Variants in ZNF649 observed in about 807,000 individuals in gnomAD.
The protein encoded by ZNF649 is zinc finger protein 649.
Under a neutral mutation model 14.1 loss-of-function variants are expected in ZNF649, and 7 were observed. The ratio of observed to expected loss-of-function variants is 0.49; its 90% CI spans 0.28 to 0.93. ZNF649 has a LOEUF of 0.93. ZNF649 is among the 40% of genes least tolerant of loss of function. The pLI, the probability that ZNF649 is intolerant of heterozygous loss-of-function variation, is 0.10. For synonymous variants in ZNF649, 227 were observed against 212.3 expected (o/e 1.07, Z -0.60); for missense variants, 544 against 608.1 (o/e 0.89, Z 1.11).
chr19:51,891,495 G>A lies in ZNF649; in HGVS notation c.641C>T (p.Ala214Val), dbSNP rs751597213. ...KPHVCSLCGK[A>V]FYKKYRLTEH... ...AGTGAGCCTGTACTTCTTGTAGAAGGCTTTCCCACACAAGCTACACACGTG... is the reference window on the plus strand; with the variant it reads ...AGTGAGCCTGTACTTCTTGTAGAAGACTTTCCCACACAAGCTACACACGTG... Residue 214 changes from alanine to valine, a missense_variant, in exon 5 of 5, where the codon GCC becomes GTC. By Grantham distance (64) the Ala-to-Val change is moderately conservative (BLOSUM62 0). Coordinates refer to ENST00000354957, the MANE Select transcript of ZNF649 (RefSeq NM_023074.4). The surrounding 1 kb of genome is among the most constrained non-coding windows in gnomAD (Gnocchi z 4.2). 7 of 1,614,196 alleles carry A rather than the reference G, an allele frequency of 4.3e-6. No individual in the cohort carries two copies. Among genetic ancestry groups the A allele is most frequent in the South Asian group, 1.1e-5 (1 of 91,086 alleles).
At chr19:51,894,899 A>C (rs1420830946) in intron 4 of ZNF649, among the ~76,000 whole-genome samples, 1 of 152,098 alleles carries the variant, frequency 6.6e-6, no homozygotes, top group Non-Finnish European at 1.5e-5. Context: ...AACCAGACTC[A>C]CAGAGCAAGA....
intron 1 of ZNF649, among the ~76,000 whole-genome samples, chr19:51,901,180 G>C (rs531306595): frequency 6.6e-6 from 1 of 152,118 alleles, no homozygotes; most frequent in Non-Finnish European, 1.5e-5. Context: ...GGGGCTGATC[G>C]TGAAGGTGCT....
At chr19:51,899,214 CATA>C (rs1467093916) in intron 2 of ZNF649, among the ~76,000 whole-genome samples, 1 of 152,154 alleles carries the variant, frequency 6.6e-6, no homozygotes, top group Non-Finnish European at 1.5e-5. Context: ...CGTGTAAAAC[CATA>C]ATGAGTCATT....
In ZNF649 at chr19:51,894,606, A is replaced by C. The variant is rs139719833; in HGVS notation, c.238+1866T>G. The stretch of plus-strand genomic sequence containing the variant: ...CCACTGTAGGTTACATTTCTTCTAA[A>C]GTCCTACAATTCTTTCTGTATTTAC... On this transcript the variant is annotated intron_variant, in intron 4 of 4. Coordinates refer to ENST00000354957, the MANE Select transcript of ZNF649 (RefSeq NM_023074.4). Among the ~76,000 whole-genome samples, 433 of 152,326 alleles carry C rather than the reference A, an allele frequency of 2.8e-3. 4 individuals carry two copies. Among genetic ancestry groups the C allele is most frequent in the African/African-American group, 0.01 (420 of 41,568 alleles).
At chr19:51,898,442 G>A (rs767312437) in intron 2 of ZNF649, among the ~76,000 whole-genome samples, 46 of 152,116 alleles carry the variant, frequency 3.0e-4, no homozygotes, top group Non-Finnish European at 5.4e-4. Context: ...TATTATATAG[G>A]ATACAAATGA....
At position 51,891,571 on chromosome 19, in the gene ZNF649, T is replaced by G. The variant is rs767542993; in HGVS notation, c.565A>C (p.Lys189Gln). 2 of 1,614,266 alleles carry G rather than the reference T, an allele frequency of 1.2e-6. No homozygotes were observed. The highest frequency in any genetic ancestry group is 1.7e-6 in the Non-Finnish European group (2 of 1,180,046). ...TTATGCTCAGTGAGCTGAGACTTCT[T>G]GAGGAAAGCTTTCCCACAGTCAGTG... is the stretch of plus-strand genomic sequence containing the variant. ...ECTDCGKAFL[K>Q]KSQLTEHKRI... Residue 189 changes from lysine to glutamine, a missense_variant, in exon 5 of 5, where the codon AAG becomes CAG. Physicochemically the swap from Lys to Gln is moderately conservative, Grantham distance 53. Transcript: ENST00000354957. The surrounding 1 kb of genome is among the most constrained non-coding windows in gnomAD (Gnocchi z 4.2).
chr19:51,894,219 G>A (rs752981316), intron 4 of ZNF649, among the ~76,000 whole-genome samples: 2 of 151,298 alleles, frequency 1.3e-5, no homozygotes, highest in African/African-American at 2.4e-5. Flanking sequence ...TTCAACCTCC[G>A]CCTCCCAGGT....
chr19:51,897,379 C>A (rs2085069246), intron 2 of ZNF649, among the ~76,000 whole-genome samples: 1 of 152,150 alleles, frequency 6.6e-6, no homozygotes, highest in African/African-American at 2.4e-5. Flanking sequence ...ATCCATTAAT[C>A]CAACAAATCA....
chr19:51,896,613 C>A, intron 3 of ZNF649, 46 bp from the exon 4 acceptor site: 2 of 1,593,250 alleles, frequency 1.3e-6, no homozygotes, highest in South Asian at 1.1e-5. Flanking sequence ...TGAATTGCAC[C>A]ACGTGGCTCT....
At chr19:51,904,794 C>G (rs1415801136) in intron 1 of ZNF649, 120 bp downstream of exon 1, 1 of 152,578 alleles carries the variant, frequency 6.6e-6, no homozygotes, top group African/African-American at 2.4e-5. Context: ...TCTCCCACGC[C>G]GGACCGCAAA....
At position 51,890,901 on chromosome 19, in the gene ZNF649, A is replaced by C. The variant is rs780388176; in HGVS notation, c.1235T>G (p.Leu412Arg). ...YKCSDCGKAF[L>R]TKTMLIVHHR... ...ATGTACAATGAGCATTGTCTTTGTAAGGAAGGCTTTCCCACAGTCACTGCA... is the reference window on the plus strand; with the variant it reads ...ATGTACAATGAGCATTGTCTTTGTACGGAAGGCTTTCCCACAGTCACTGCA... The change falls in exon 5 of 5, where the codon CTT becomes CGT. Residue 412 changes from leucine to arginine, a missense_variant. Coordinates refer to ENST00000354957, the MANE Select transcript of ZNF649 (RefSeq NM_023074.4). 1 of 1,614,232 alleles carries C rather than the reference A, an allele frequency of 6.2e-7. No individual in the cohort carries two copies. Among genetic ancestry groups the C allele is most frequent in the South Asian group, 1.1e-5 (1 of 91,082 alleles).
At chr19:51,895,568 T>G (rs982992326) in intron 4 of ZNF649, among the ~76,000 whole-genome samples, 25 of 151,832 alleles carry the variant, frequency 1.6e-4, no homozygotes, top group Admixed American at 4.6e-4. Context: ...GGTCTCAAAC[T>G]CCTGACTTTG....
intron 1 of ZNF649, chr19:51,904,338 T>A (rs185885285): frequency 6.6e-6 from 1 of 152,132 alleles, no homozygotes; most frequent in Admixed American, 6.5e-5. Flanking sequence ...TCTGCATGAA[T>A]TGCTCTTTCT....
rs534452462 is a variant in ZNF649 at position 51,898,468 on chromosome 19, G to A, written c.16-1490C>T. Reference sequence around the variant, plus strand: ...ATACAAATGACAGCCAGGTAAAGAGGTACAGAAGTCAAGGTCCAAAGGGTG... The same window carrying A: ...ATACAAATGACAGCCAGGTAAAGAGATACAGAAGTCAAGGTCCAAAGGGTG... On this transcript the variant is annotated intron_variant, in intron 2 of 4. Coordinates refer to ENST00000354957, the MANE Select transcript of ZNF649 (RefSeq NM_023074.4). Among the ~76,000 whole-genome samples, 16 of 152,234 alleles carry A rather than the reference G, an allele frequency of 1.1e-4. No homozygotes were observed. The South Asian group carries it at 3.1e-3, about 30-fold the overall frequency.
In ZNF649 at chr19:51,890,465, G is replaced by A; in HGVS notation, c.*153C>T. ...TAAATGAAAAACAATATTGTGGGAGGGGTAGTGAGGTTTATAAGATATAAA... is the reference window on the plus strand; with the variant it reads ...TAAATGAAAAACAATATTGTGGGAGAGGTAGTGAGGTTTATAAGATATAAA... On this transcript the variant is annotated 3_prime_UTR_variant, in exon 5 of 5. Transcript: ENST00000354957. 1 of 571,590 alleles carries A rather than the reference G, an allele frequency of 1.7e-6. No individual in the cohort carries two copies. The highest frequency in any genetic ancestry group is 3.0e-6 in the Non-Finnish European group (1 of 328,228). The allele number at this position is 571,590 out of a possible 1,614,324, so 35.4% of individuals were successfully genotyped here.
chr19:51,898,609 G>A (rs1418385829), intron 2 of ZNF649, among the ~76,000 whole-genome samples: 1 of 151,904 alleles, frequency 6.6e-6, no homozygotes, highest in African/African-American at 2.4e-5. Context: ...TACGACGTGG[G>A]CATGATTAAA....
In ZNF649 at chr19:51,890,487, TA is replaced by T. The variant is rs1270328518; in HGVS notation, c.*130del. On this transcript the variant is annotated 3_prime_UTR_variant, in exon 5 of 5. Transcript: ENST00000354957. ...GAGGGGTAGTGAGGTTTATAAGATA[TA>T]AAAAAGTAAAATATATTTCATATCT... 4.8e-6 allele frequency: 3 copies of T among 624,528 alleles called. No individual in the cohort carries two copies. The highest frequency in any genetic ancestry group is 8.2e-6 in the Non-Finnish European group (3 of 364,996). 38.7% of individuals were successfully genotyped at this position (624,528 alleles called of 1,614,324 possible). A position where few individuals can be genotyped will look rare whatever the true frequency, so the allele number is the denominator to read the frequency against.
At chr19:51,901,636 C>A (rs1350722595) in intron 1 of ZNF649, among the ~76,000 whole-genome samples, 1 of 151,386 alleles carries the variant, frequency 6.6e-6, no homozygotes, top group Non-Finnish European at 1.5e-5. Flanking sequence ...CAGAGCAAGA[C>A]CCTGTCTCTT....
intron 4 of ZNF649, among the ~76,000 whole-genome samples, chr19:51,895,371 T>C (rs1180908353): frequency 6.6e-6 from 1 of 152,018 alleles, no homozygotes; most frequent in Non-Finnish European, 1.5e-5. Context: ...TGAAACAGAG[T>C]CTCACTCTGT....
Sources: gnomAD v4.1 joint callset for allele counts (sites outside exome capture counted in the v4.1 genomes callset) on GRCh38, gnomAD v4.1.1 for gene constraint, Gnocchi (gnomAD v3.1) non-coding constraint, MANE v1.5 for transcripts, NCBI Gene and HGNC (gene_info 2026-07-23, HGNC 2026-07-21) for gene names.